Variants in BLTP3B observed in about 807,000 individuals in gnomAD.
BLTP3B encodes UHRF1 (ICBP90) binding protein 1-like.
the BLTP3B span, among the ~76,000 whole-genome samples, chr12:100,126,054 C>T: frequency 6.6e-6 from 1 of 151,998 alleles, no homozygotes; most frequent in Admixed American, 6.6e-5. Context: ...TGACTTGAGC[C>T]CAGGGGTTTG....
chr12:100,050,246 A>G, the BLTP3B span: 1 of 1,611,802 alleles, frequency 6.2e-7, no homozygotes, highest in Non-Finnish European at 8.5e-7. Flanking sequence ...ACTTGAAGAC[A>G]GATTTCTGTA....
chr12:100,058,222 T>C, the BLTP3B span: 49 of 1,612,566 alleles, frequency 3.0e-5, no homozygotes, highest in African/African-American at 4.5e-4. Flanking sequence ...AATGAAAGTA[T>C]ATTCGAATCT....
the BLTP3B span, among the ~76,000 whole-genome samples, chr12:100,090,887 T>C: frequency 6.6e-6 from 1 of 152,096 alleles, no homozygotes; most frequent in South Asian, 2.1e-4. Flanking sequence ...CTTATCAAGA[T>C]AAATACTGAT....
chr12:100,054,849 G>A, the BLTP3B span, among the ~76,000 whole-genome samples: 1,393 of 152,128 alleles, frequency 9.2e-3, 25 homozygotes, highest in African/African-American at 0.031. Context: ...CTACTTCCTG[G>A]CTAAAACTTT....
the BLTP3B span, among the ~76,000 whole-genome samples, chr12:100,120,370 C>G: frequency 6.6e-6 from 1 of 151,106 alleles, no homozygotes; most frequent in African/African-American, 2.4e-5. Flanking sequence ...AAGATTCCAT[C>G]TCAAAAAAGA....
the BLTP3B span, among the ~76,000 whole-genome samples, chr12:100,079,448 C>A: frequency 2.0e-5 from 3 of 152,120 alleles, no homozygotes; most frequent in African/African-American, 7.2e-5. Context: ...TTTGCCCCTG[C>A]CCTAGAGATC....
chr12:100,105,332 T>C, the BLTP3B span, among the ~76,000 whole-genome samples: 1 of 152,058 alleles, frequency 6.6e-6, no homozygotes, highest in African/African-American at 2.4e-5. Flanking sequence ...TTCTGTTCCA[T>C]TGAACAGAAT....
chr12:100,094,553 T>C, the BLTP3B span, among the ~76,000 whole-genome samples: 1 of 152,190 alleles, frequency 6.6e-6, no homozygotes, highest in Non-Finnish European at 1.5e-5. Context: ...ATAATGCCAA[T>C]GTGATATTCA....
the BLTP3B span, among the ~76,000 whole-genome samples, chr12:100,115,689 G>A: frequency 5.3e-5 from 8 of 151,940 alleles, no homozygotes; most frequent in East Asian, 1.9e-4. Context: ...CCTCAAGCCC[G>A]GGAGATTGAG....
At chr12:100,094,300 T>C in the BLTP3B span, among the ~76,000 whole-genome samples, 1 of 152,082 alleles carries the variant, frequency 6.6e-6, no homozygotes, top group African/African-American at 2.4e-5. Context: ...TTTGTAGAGA[T>C]GGGACTCAAT....
At chr12:100,121,218 C>T in the BLTP3B span, among the ~76,000 whole-genome samples, 1 of 151,698 alleles carries the variant, frequency 6.6e-6, no homozygotes, top group Non-Finnish European at 1.5e-5. Flanking sequence ...GGTGTGGTAG[C>T]ACATGCCTGT....
At chr12:100,102,969 G>T in the BLTP3B span, 1 of 685,424 alleles carries the variant, frequency 1.5e-6, no homozygotes, top group Non-Finnish European at 2.2e-6. Context: ...AAAGTAAAAA[G>T]TGAGCAGAGT....
chr12:100,071,276 C>G, the BLTP3B span, among the ~76,000 whole-genome samples: 1 of 152,102 alleles, frequency 6.6e-6, no homozygotes, highest in Admixed American at 6.5e-5. Context: ...GTAGGCAGAC[C>G]ACTTGAGGCC....
chr12:100,049,718 G>C, the BLTP3B span, among the ~76,000 whole-genome samples: 3 of 151,850 alleles, frequency 2.0e-5, no homozygotes, highest in Non-Finnish European at 4.4e-5. Context: ...CCACAAATTG[G>C]TAATGGTTAG....
chr12:100,103,878 T>C, the BLTP3B span: 3 of 1,552,204 alleles, frequency 1.9e-6, no homozygotes. Context: ...TGTATATATA[T>C]AAATGTTTAT....
the BLTP3B span, chr12:100,059,358 T>C: frequency 6.2e-6 from 10 of 1,614,028 alleles, no homozygotes; most frequent in East Asian, 4.5e-5. Context: ...GAAGCTGGTA[T>C]ATGTTTTACT....
the BLTP3B span, among the ~76,000 whole-genome samples, chr12:100,070,492 G>C: frequency 1.3e-5 from 2 of 151,920 alleles, no homozygotes; most frequent in African/African-American, 4.8e-5. Flanking sequence ...CCTGACCTCA[G>C]GTGATCCACC....
chr12:100,069,924 A>T, the BLTP3B span: 1 of 1,101,694 alleles, frequency 9.1e-7, no homozygotes, highest in Non-Finnish European at 1.1e-6. Context: ...GTTCAATGAT[A>T]TATTTTATTT....
the BLTP3B span, among the ~76,000 whole-genome samples, chr12:100,056,130 C>G: frequency 1.3e-5 from 2 of 152,088 alleles, no homozygotes; most frequent in Non-Finnish European, 2.9e-5. Context: ...CATGTGTTGG[C>G]AAAGTGATAG....
Sources: allele counts gnomAD v4.1 joint callset (sites outside exome capture counted in the v4.1 genomes callset), GRCh38; gene constraint gnomAD v4.1.1; transcripts MANE v1.5; gene names NCBI Gene and HGNC (gene_info 2026-07-23, HGNC 2026-07-21).